BRINP3: variants seen among roughly 807,000 people sequenced by gnomAD.
The protein encoded by BRINP3 is BMP/retinoic acid-inducible neural-specific protein 3.
BRINP3 carries 19 observed loss-of-function variants against 71.0 expected under a neutral mutation model. The ratio of observed to expected loss-of-function variants is 0.27; its 90% CI spans 0.19 to 0.39. BRINP3 has a LOEUF of 0.39. BRINP3 is among the 10% of genes least tolerant of loss of function. BRINP3 has a pLI of 1.00. For synonymous variants in BRINP3, 380 were observed against 337.7 expected (o/e 1.13, Z -1.37); for missense variants, 959 against 940.8 (o/e 1.02, Z -0.25).
intron 6 of BRINP3, among the ~76,000 whole-genome samples, chr1:190,163,944 G>T (rs1455727211): frequency 6.6e-6 from 1 of 151,988 alleles, no homozygotes; most frequent in Non-Finnish European, 1.5e-5. Flanking sequence ...GCAAAACACA[G>T]GTAAGACTTG....
At chr1:190,377,176 A>G (rs1670239329) in intron 2 of BRINP3, among the ~76,000 whole-genome samples, 2 of 152,024 alleles carry the variant, frequency 1.3e-5, no homozygotes, top group Non-Finnish European at 1.5e-5. Context: ...ACCCCTGTAC[A>G]TGCTAGAAAT....
At chr1:190,374,183 T>C (rs1331671706) in intron 2 of BRINP3, among the ~76,000 whole-genome samples, 1 of 152,070 alleles carries the variant, frequency 6.6e-6, no homozygotes, top group Non-Finnish European at 1.5e-5. Flanking sequence ...CTAGGAACAA[T>C]GGTTCAGTAT....
chr1:190,178,685 A>G (rs565809548), intron 6 of BRINP3, among the ~76,000 whole-genome samples: 146 of 152,294 alleles, frequency 9.6e-4, no homozygotes, highest in African/African-American at 2.6e-3. Flanking sequence ...CATTTTTCTT[A>G]CAGCCTCTAC....
At chr1:190,241,102 G>A (rs1045766250) in intron 4 of BRINP3, among the ~76,000 whole-genome samples, 4 of 151,802 alleles carry the variant, frequency 2.6e-5, no homozygotes, top group Admixed American at 2.0e-4. Flanking sequence ...AAAATGTTTG[G>A]ATTAAATTGG....
intron 2 of BRINP3, among the ~76,000 whole-genome samples, chr1:190,347,607 A>T (rs1056597859): frequency 6.6e-6 from 1 of 152,156 alleles, no homozygotes. Flanking sequence ...TTAAAAATAA[A>T]TGCAGAAATA....
At chr1:190,277,393 G>A (rs1291371368) in intron 3 of BRINP3, among the ~76,000 whole-genome samples, 1 of 151,134 alleles carries the variant, frequency 6.6e-6, no homozygotes, top group Non-Finnish European at 1.5e-5. Context: ...GAACTCACAG[G>A]TTTCCTGGCT....
chr1:190,181,850 ATTTC>A (rs917333321), intron 6 of BRINP3, among the ~76,000 whole-genome samples: 1 of 151,860 alleles, frequency 6.6e-6, no homozygotes, highest in Non-Finnish European at 1.5e-5. Flanking sequence ...ACCTTCTGTT[ATTTC>A]TTTCTGTTTA....
intron 6 of BRINP3, among the ~76,000 whole-genome samples, chr1:190,187,100 T>C (rs1653598012): frequency 6.6e-6 from 1 of 152,162 alleles, no homozygotes. Context: ...CTATTATATA[T>C]GTATTTGGAT....
chr1:190,196,379 C>A (rs1163894334), intron 6 of BRINP3, among the ~76,000 whole-genome samples: 1 of 152,100 alleles, frequency 6.6e-6, no homozygotes, highest in Non-Finnish European at 1.5e-5. Flanking sequence ...GCTAATGTGA[C>A]ATTTACTATC....
intron 2 of BRINP3, among the ~76,000 whole-genome samples, chr1:190,452,694 A>G (rs1675696625): frequency 6.6e-6 from 1 of 152,152 alleles, no homozygotes; most frequent in Admixed American, 6.5e-5. Context: ...CGTCTCTACC[A>G]ACAATACAAA....
chr1:190,213,831 G>T (rs1378909008), intron 6 of BRINP3, among the ~76,000 whole-genome samples: 2 of 152,034 alleles, frequency 1.3e-5, no homozygotes. Flanking sequence ...GACTGTGGGT[G>T]TGGCTATTGG....
At chr1:190,173,078 C>T (rs1022668205) in intron 6 of BRINP3, among the ~76,000 whole-genome samples, 7 of 152,064 alleles carry the variant, frequency 4.6e-5, no homozygotes, top group African/African-American at 1.7e-4. Flanking sequence ...ATTTAAAATC[C>T]CTTGTTTCTA....
Position 190,137,621 on chromosome 1 carries a change from GT to G in BRINP3, c.1184+23046del, listed in dbSNP as rs1004492330. On this transcript the variant is annotated intron_variant, in intron 7 of 7. Coordinates refer to ENST00000367462, the MANE Select transcript of BRINP3 (RefSeq NM_199051.3). The stretch of plus-strand genomic sequence containing the variant: ...TTTTAAAAAGAGCAAAACCCGTACA[GT>G]TTTTAAGTATTTCCAGGTTGACAAG... Among the ~76,000 whole-genome samples the G allele has an allele frequency of 6.6e-5, 10 of 152,212 alleles. No individual in the cohort carries two copies. In the South Asian group the frequency reaches 8.3e-4, roughly 13 times the overall value.
chr1:190,262,936 T>C lies in BRINP3; in HGVS notation c.618+1929A>G, dbSNP rs76260145. Among the ~76,000 whole-genome samples the C allele has an allele frequency of 4.9e-3, 751 of 152,202 alleles. 6 individuals carry two copies. The highest frequency in any genetic ancestry group is 0.017 in the African/African-American group (705 of 41,504). On this transcript the variant is annotated intron_variant, in intron 4 of 7. Transcript: ENST00000367462. ...GTATATATATATATTTCTTTTTTTG[T>C]GCCACATACTTCTCCTGTGGGAGAA...
chr1:190,440,657 T>C (rs1465137464), intron 2 of BRINP3, among the ~76,000 whole-genome samples: 3 of 152,024 alleles, frequency 2.0e-5, no homozygotes, highest in Non-Finnish European at 4.4e-5. Flanking sequence ...AAATGGTCGA[T>C]AAAAGCATGA....
rs187230047 is a variant in BRINP3, at chr1:190,097,752, A to G, written c.*266T>C. ...ATGCACAAAAGCATTGCCACGGAAC[A>G]TATAAAATTACAAATGAAATTTATT... is the stretch of plus-strand genomic sequence containing the variant. On this transcript the variant is annotated 3_prime_UTR_variant, in exon 8 of 8. Coordinates refer to ENST00000367462, the MANE Select transcript of BRINP3 (RefSeq NM_199051.3). 1 of 356,866 alleles carries G rather than the reference A, an allele frequency of 2.8e-6. No individual in the cohort carries two copies. Among genetic ancestry groups the G allele is most frequent in the Admixed American group, 4.3e-5 (1 of 23,390 alleles). 22.1% of individuals were successfully genotyped at this position (356,866 alleles called of 1,614,324 possible). A position where few individuals can be genotyped will look rare whatever the true frequency, so the allele number is the denominator to read the frequency against.
intron 2 of BRINP3, among the ~76,000 whole-genome samples, chr1:190,366,497 T>A (rs1195867185): frequency 2.0e-5 from 3 of 152,080 alleles, no homozygotes; most frequent in African/African-American, 7.2e-5. Flanking sequence ...AGCCAAATTA[T>A]ATCATTCCAC....
At chr1:190,409,961 G>C (rs1672555876) in intron 2 of BRINP3, among the ~76,000 whole-genome samples, 1 of 152,092 alleles carries the variant, frequency 6.6e-6, no homozygotes, top group African/African-American at 2.4e-5. Context: ...TTTTAAGCAA[G>C]AAAATGGCAA....
intron 6 of BRINP3, among the ~76,000 whole-genome samples, chr1:190,218,023 G>T (rs1200595200): frequency 6.6e-6 from 1 of 151,874 alleles, no homozygotes; most frequent in African/African-American, 2.4e-5. Flanking sequence ...AGAGTATTTA[G>T]TTGCCAAAGT....
Sources: allele counts gnomAD v4.1 joint callset (sites outside exome capture counted in the v4.1 genomes callset), GRCh38; gene constraint gnomAD v4.1.1; transcripts MANE v1.5; gene names NCBI Gene and HGNC (gene_info 2026-07-23, HGNC 2026-07-21).